The following ZNF837 variants were observed in gnomAD, a reference collection of about 807,000 sequenced individuals.
ZNF837 encodes the protein zinc finger protein 837.
For missense variants in ZNF837, 955 were observed against 801.7 expected (o/e 1.19, Z -2.31); for synonymous variants, 475 against 365.2 (o/e 1.30, Z -3.43).
At chr19:58,372,080 G>C (rs530908255) in intron 1 of ZNF837, among the ~76,000 whole-genome samples, 2 of 149,182 alleles carry the variant, frequency 1.3e-5, no homozygotes, top group Non-Finnish European at 3.0e-5. Context: ...TAGAGACAGG[G>C]TTTCACTCTT....
chr19:58,376,943 C>T (rs1016794842), intron 1 of ZNF837, among the ~76,000 whole-genome samples: 1 of 149,026 alleles, frequency 6.7e-6, no homozygotes, highest in African/African-American at 2.5e-5. Flanking sequence ...AATGGCCGGA[C>T]GTGGTGACTC....
rs745700692 is a variant in ZNF837, at chr19:58,367,870, C to G, written c.1463G>C (p.Cys488Ser). 7 of 1,534,122 alleles carry G rather than the reference C, an allele frequency of 4.6e-6. No individual in the cohort carries two copies. The African/African-American group carries it at 5.5e-5, about 12-fold the overall frequency. The change falls in exon 3 of 3, where the codon TGC becomes TCC. Residue 488 changes from cysteine to serine, a missense_variant. Coordinates refer to ENST00000597582, the MANE Select transcript of ZNF837 (RefSeq NM_138466.2). ...RDCGKAFVRN[C>S]SLVRHLRTHT... The stretch of plus-strand genomic sequence containing the variant: ...CGTGCGCAGGTGGCGCACCAGGCTG[C>G]AGTTGCGCACGAAGGCCTTGCCGCA...
At position 58,368,575 on chromosome 19, in the gene ZNF837, C is replaced by T. The variant is rs866225793; in HGVS notation, c.758G>A (p.Gly253Asp). Residue 253 changes from glycine (G) to aspartate (D), a missense_variant, in exon 3 of 3, where the codon GGC (glycine) becomes GAC (aspartate). By Grantham distance (94) the Gly-to-Asp change is moderately conservative (BLOSUM62 -1). Coordinates refer to ENST00000597582, the MANE Select transcript of ZNF837 (RefSeq NM_138466.2). ...GKSPPVCPEC[G>D]QTSRPRPIVP... ...AATAGGGCGAGGTCGCGAGGTTTGG[C>T]CGCACTCAGGACACACTGGGGGACT... 10 of 1,536,210 alleles carry T rather than the reference C, an allele frequency of 6.5e-6. No individual in the cohort carries two copies. Among genetic ancestry groups the T allele is most frequent in the Non-Finnish European group, 7.9e-6 (9 of 1,144,520 alleles).
chr19:58,367,841 T>TA lies in ZNF837; in HGVS notation c.1491_1492insT (p.Thr498TyrfsTer65), dbSNP rs2052149437. 2 of 1,536,110 alleles carry TA rather than the reference T, an allele frequency of 1.3e-6. No homozygotes were observed. Among genetic ancestry groups the TA allele is most frequent in the Non-Finnish European group, 1.7e-6 (2 of 1,144,848 alleles). On this transcript the variant is annotated frameshift_variant, in exon 3 of 3. Coordinates refer to ENST00000597582, the MANE Select transcript of ZNF837 (RefSeq NM_138466.2). LOFTEE classifies it low-confidence loss of function (END_TRUNC). ...CCGCACGCGTAGGGCCGCTCGCCCG[T>TA]GTGCGTGCGCAGGTGGCGCACCAGG...
chr19:58,369,434 G>T (rs1047353884), intron 2 of ZNF837, 73 bp from the exon 3 acceptor site: 2 of 1,250,796 alleles, frequency 1.6e-6, no homozygotes, highest in African/African-American at 1.6e-5. Flanking sequence ...GCCAACGAGC[G>T]ACCACCCCAC....
In ZNF837 at chr19:58,368,532, G is replaced by A; in HGVS notation, c.801C>T (p.Ala267=). Residue 267 remains alanine, a synonymous_variant, in exon 3 of 3, where the codon GCC becomes GCT. Coordinates refer to ENST00000597582, the MANE Select transcript of ZNF837 (RefSeq NM_138466.2). The part of the protein sequence containing the change: ...RPRPIVPDPP[A]QRLYACDECG... ...ACTCGTCGCAAGCGTACAGTCGCTGGGCCGGGGGGTCGGGGACAATAGGGC... is the reference window on the plus strand; with the variant it reads ...ACTCGTCGCAAGCGTACAGTCGCTGAGCCGGGGGGTCGGGGACAATAGGGC... 6.5e-7 allele frequency: 1 copy of A among 1,542,664 alleles called. No homozygotes were observed. Among genetic ancestry groups the A allele is most frequent in the Non-Finnish European group, 8.7e-7 (1 of 1,145,066 alleles).
At chr19:58,376,997 C>T (rs574159315) in intron 1 of ZNF837, among the ~76,000 whole-genome samples, 1 of 151,754 alleles carries the variant, frequency 6.6e-6, no homozygotes, top group African/African-American at 2.4e-5. Context: ...GTGGGTGGAT[C>T]ACGAGGTCAG....
intron 1 of ZNF837, among the ~76,000 whole-genome samples, chr19:58,377,179 T>A (rs1391572778): frequency 7.0e-6 from 1 of 143,678 alleles, no homozygotes; most frequent in Non-Finnish European, 1.5e-5. Flanking sequence ...ATCGTGCCAC[T>A]GCACTCCAGC....
chr19:58,370,686 A>G (rs2052192169), intron 1 of ZNF837, among the ~76,000 whole-genome samples: 1 of 148,962 alleles, frequency 6.7e-6, no homozygotes, highest in South Asian at 2.1e-4. Flanking sequence ...ACCTGAGGTC[A>G]GGAGTTTGAG....
intron 1 of ZNF837, among the ~76,000 whole-genome samples, chr19:58,379,715 G>A (rs1003444479): frequency 6.6e-6 from 1 of 152,194 alleles, no homozygotes; most frequent in Admixed American, 6.5e-5. Context: ...AGAGGTTAAC[G>A]TGGCCAAGGC....
chr19:58,368,027 G>C lies in ZNF837; in HGVS notation c.1306C>G (p.Gln436Glu). The C allele has an allele frequency of 6.5e-7, 1 of 1,533,564 alleles. No individual in the cohort carries two copies. The highest frequency in any genetic ancestry group is 2.5e-5 in the East Asian group (1 of 40,696). The allele number at this position is 1,533,564 out of a possible 1,614,324, so 95.0% of individuals were successfully genotyped here. ...KAFKGRSGLV[Q>E]HQRAHTGERP... The stretch of plus-strand genomic sequence containing the variant: ...TCGCCGGTGTGCGCGCGCTGGTGTT[G>C]CACCAGGCCCGAGCGGCCCTTGAAG... Residue 436 changes from glutamine to glutamate, a missense_variant, in exon 3 of 3, where the codon CAA becomes GAA. Transcript: ENST00000597582.
At chr19:58,370,948 CCG>C (rs1491108103) in intron 1 of ZNF837, among the ~76,000 whole-genome samples, 1 of 14,898 alleles carries the variant, frequency 6.7e-5, no homozygotes, top group Non-Finnish European at 1.8e-4. Context: ...GGGGTGAAGG[CCG>C]GGGGGGGGGA....
At chr19:58,376,940 G>A (rs1426909060) in intron 1 of ZNF837, among the ~76,000 whole-genome samples, 4 of 151,714 alleles carry the variant, frequency 2.6e-5, no homozygotes, top group African/African-American at 4.8e-5. Flanking sequence ...AAAAATGGCC[G>A]GACGTGGTGA....
rs1444287523 is a variant in ZNF837, at chr19:58,368,643, G to A, written c.690C>T (p.Cys230=). Residue 230 remains cysteine, a synonymous_variant, in exon 3 of 3, where the codon TGC becomes TGT. Transcript: ENST00000597582. ...GCTGGTTGGGGCGGAAGCGCTTCCC[G>A]CACCGGGCACACGGACGGGGCTCCT... The part of the protein sequence containing the change: ...ATEEPRPCAR[C]GKRFRPNQQQ... 3.9e-6 allele frequency: 6 copies of A among 1,529,506 alleles called. No individual in the cohort carries two copies. Among genetic ancestry groups the A allele is most frequent in the African/African-American group, 2.7e-5 (2 of 72,886 alleles). 94.7% of individuals were successfully genotyped at this position (1,529,506 alleles called of 1,614,324 possible).
chr19:58,379,258 C>A (rs147865813), intron 1 of ZNF837, among the ~76,000 whole-genome samples: 18 of 152,300 alleles, frequency 1.2e-4, no homozygotes, highest in African/African-American at 4.3e-4. Flanking sequence ...GGCTGAGGGG[C>A]ACCTGCTAGC....
intron 1 of ZNF837, among the ~76,000 whole-genome samples, chr19:58,373,025 A>G (rs2052214746): frequency 6.6e-6 from 1 of 152,168 alleles, no homozygotes; most frequent in African/African-American, 2.4e-5. Context: ...CTCTGGTGTG[A>G]TGTGAGGTTT....
intron 1 of ZNF837, among the ~76,000 whole-genome samples, chr19:58,374,446 C>T (rs1457796207): frequency 6.6e-6 from 1 of 152,112 alleles, no homozygotes; most frequent in East Asian, 1.9e-4. Flanking sequence ...CCACATATTG[C>T]ATAATTCCAT....
At position 58,368,829 on chromosome 19, in the gene ZNF837, C is replaced by T. The variant is rs1380164277; in HGVS notation, c.504G>A (p.Trp168Ter). 1 of 1,546,804 alleles carries T rather than the reference C, an allele frequency of 6.5e-7. No individual in the cohort carries two copies. The change falls in exon 3 of 3, where the codon TGG becomes TGA. Residue 168 changes from tryptophan to a stop codon, truncating the protein, a stop_gained. Coordinates refer to ENST00000597582, the MANE Select transcript of ZNF837 (RefSeq NM_138466.2). LOFTEE classifies it low-confidence loss of function (END_TRUNC). ...GAGCGCCAGTCCCTGGTTGGCACGGCCAACAGTCCGTGTGGACCTCACACA... is the reference window on the plus strand; with the variant it reads ...GAGCGCCAGTCCCTGGTTGGCACGGTCAACAGTCCGTGTGGACCTCACACA... ...TQLCEVHTDC[W>*]PCQPGTGAPT... is the part of the protein sequence containing the mutation.
rs1158105189 is a variant in ZNF837 at position 58,368,416 on chromosome 19, T to G, written c.917A>C (p.Lys306Thr). ...ERPYECAECGKAFVRCSGLYR... is the reference protein window; with the variant it reads ...ERPYECAECGTAFVRCSGLYR... The stretch of plus-strand genomic sequence containing the variant: ...CAGGCCGGAGCAGCGCACGAAGGCC[T>G]TGCCGCACTCGGCGCACTCGTAGGG... The change falls in exon 3 of 3, where the codon AAG (lysine) becomes ACG (threonine). Residue 306 changes from lysine to threonine, a missense_variant. By Grantham distance (78) the Lys-to-Thr change is moderately conservative. Transcript: ENST00000597582. The G allele has an allele frequency of 6.5e-7, 1 of 1,548,886 alleles. No individual in the cohort carries two copies. Among genetic ancestry groups the G allele is most frequent in the East Asian group, 2.4e-5 (1 of 41,040 alleles).
Sources: allele counts gnomAD v4.1 joint callset (sites outside exome capture counted in the v4.1 genomes callset), GRCh38; gene constraint gnomAD v4.1.1; transcripts MANE v1.5; gene names NCBI Gene and HGNC (gene_info 2026-07-23, HGNC 2026-07-21).